SLCO1A2: variants seen among roughly 807,000 people sequenced by gnomAD.
The protein encoded by SLCO1A2 is solute carrier organic anion transporter family member 1A2.
Under a neutral mutation model 69.0 loss-of-function variants are expected in SLCO1A2, and 67 were observed. The ratio of observed to expected loss-of-function variants is 0.97; its 90% CI spans 0.80 to 1.19. The LOEUF (loss-of-function observed/expected upper bound fraction) is 1.19, where lower values mean the gene tolerates loss of function less well. Ranked by LOEUF, SLCO1A2 falls within the 50% of genes most tolerant of loss-of-function variation. The pLI, the probability that SLCO1A2 is intolerant of heterozygous loss-of-function variation, is 0.00. For missense variants in SLCO1A2, 787 were observed against 793.7 expected, an observed-to-expected ratio of 0.99 and a Z score of 0.10; for synonymous variants, 260 against 265.9, an observed-to-expected ratio of 0.98 and a Z score of 0.22.
At chr12:21,318,086 C>G (rs1951106859) in intron 3 of SLCO1A2, among the ~76,000 whole-genome samples, 1 of 151,914 alleles carries the variant, frequency 6.6e-6, no homozygotes, top group Non-Finnish European at 1.5e-5. Flanking sequence ...TTTCCTTGAT[C>G]TCCAACAATA....
intron 7 of SLCO1A2, 34 bp downstream of exon 7, chr12:21,301,137 C>A: frequency 1.4e-6 from 2 of 1,398,158 alleles, no homozygotes; most frequent in South Asian, 2.4e-5. Context: ...TTTGTATAGT[C>A]TAGACACTGT....
At chr12:21,326,483 G>C (rs1025486962) in intron 2 of SLCO1A2, among the ~76,000 whole-genome samples, 1 of 152,174 alleles carries the variant, frequency 6.6e-6, no homozygotes, top group African/African-American at 2.4e-5. Context: ...AAGACAGGAA[G>C]ATGTGGGAAA....
chr12:21,342,506 ATATAG>A (rs1407021300), intron 2 of SLCO1A2, among the ~76,000 whole-genome samples: 2 of 152,202 alleles, frequency 1.3e-5, no homozygotes, highest in African/African-American at 2.4e-5. Flanking sequence ...AAATTAAAAC[ATATAG>A]TAAACTCCAA....
At chr12:21,310,525 G>A (rs945724465) in intron 4 of SLCO1A2, among the ~76,000 whole-genome samples, 1 of 152,216 alleles carries the variant, frequency 6.6e-6, no homozygotes, top group Non-Finnish European at 1.5e-5. Context: ...CTTAAAATAA[G>A]ACAGTGATGA....
upstream of SLCO1A2, among the ~76,000 whole-genome samples, chr12:21,400,021 C>A (rs572066337): frequency 1.1e-4 from 17 of 151,726 alleles, no homozygotes; most frequent in East Asian, 3.1e-3. Context: ...ACAAAATTGA[C>A]AAATGGGATC....
Position 21,279,727 on chromosome 12 carries a change from T to G in SLCO1A2, c.1611-4303A>C, listed in dbSNP as rs1209180519. Among the ~76,000 whole-genome samples, 6 of 152,194 alleles carry G rather than the reference T, an allele frequency of 3.9e-5. No individual in the cohort carries two copies. The East Asian group carries it at 1.2e-3, about 29-fold the overall frequency. On this transcript the variant is annotated intron_variant, in intron 12 of 14. Transcript: ENST00000683939. The stretch of plus-strand genomic sequence containing the variant: ...AGTACTTCAATCAGAAAGGAAAGGA[T>G]GTTGATGAGCAATGAGAATTCATCT...
At chr12:21,269,906 C>T in intron 14 of SLCO1A2, 139 bp from the exon 15 acceptor site, 1 of 478,880 alleles carries the variant, frequency 2.1e-6, no homozygotes, top group Non-Finnish European at 3.4e-6. Flanking sequence ...AGCAACTTTG[C>T]TAAACTCTCT....
chr12:21,344,049 G>A lies in SLCO1A2; in HGVS notation c.-62-9340C>T, dbSNP rs117467257. 4.9e-3 allele frequency among the ~76,000 whole-genome samples: 746 copies of A among 151,952 alleles called. 4 individuals are homozygous for A. Among genetic ancestry groups the A allele is most frequent in the Non-Finnish European group, 6.9e-3 (472 of 67,936 alleles). Reference sequence around the variant, plus strand: ...AAATATGATAAAATTACTGATGAGCGGTAAAAACTTGAACTTTCATAAGTG... The same window carrying A: ...AAATATGATAAAATTACTGATGAGCAGTAAAAACTTGAACTTTCATAAGTG... On this transcript the variant is annotated intron_variant, in intron 2 of 15. Coordinates refer to the SLCO1A2 transcript ENST00000307378.
At chr12:21,396,224 T>TGCAGAAGCC (rs1367823787), upstream of SLCO1A2, among the ~76,000 whole-genome samples, 21 of 150,594 alleles carry the variant, frequency 1.4e-4, no homozygotes, top group Admixed American at 6.6e-4. Flanking sequence ...ACGTGAAGAA[T>TGCAGAAGCC]GCAGAAGCCT....
chr12:21,372,568 T>A (rs966494666), intron 2 of SLCO1A2, among the ~76,000 whole-genome samples: 6 of 152,344 alleles, frequency 3.9e-5, no homozygotes, highest in African/African-American at 1.4e-4. Context: ...TGTTTGCATA[T>A]ATGCACATTT....
intron 12 of SLCO1A2, among the ~76,000 whole-genome samples, chr12:21,289,188 G>GTGTA (rs1199090134): frequency 7.2e-6 from 1 of 139,338 alleles, no homozygotes; most frequent in Non-Finnish European, 1.5e-5. Flanking sequence ...ACCATTCTGT[G>GTGTA]TGTGTGTGTG....
intron 1 of SLCO1A2, chr12:21,378,724 T>C (rs1940389629): frequency 3.6e-6 from 1 of 279,238 alleles, no homozygotes; most frequent in Non-Finnish European, 6.8e-6. Context: ...GAGAAAAAGG[T>C]AGTTTGAACC....
chr12:21,317,092 T>C (rs1302860536), intron 3 of SLCO1A2, among the ~76,000 whole-genome samples: 1 of 152,222 alleles, frequency 6.6e-6, no homozygotes, highest in Non-Finnish European at 1.5e-5. Flanking sequence ...GTTTTTTTTA[T>C]GCAATTAAAA....
At chr12:21,316,789 C>T (rs2136725976) in intron 3 of SLCO1A2, among the ~76,000 whole-genome samples, 1 of 152,280 alleles carries the variant, frequency 6.6e-6, no homozygotes, top group East Asian at 1.9e-4. Flanking sequence ...CGCCTACTTA[C>T]TTGCTAATCA....
intron 14 of SLCO1A2, 143 bp from the exon 15 acceptor site, chr12:21,269,910 ACT>A (rs1437819439): frequency 1.1e-5 from 5 of 466,294 alleles, no homozygotes; most frequent in Admixed American, 4.1e-5. Flanking sequence ...ACTTTGCTAA[ACT>A]CTCTTATTAA....
At chr12:21,378,670 C>G (rs1940386231) in intron 1 of SLCO1A2, 4 of 428,494 alleles carry the variant, frequency 9.3e-6, no homozygotes, top group Middle Eastern at 1.3e-3. Context: ...ATAAGAACGT[C>G]ATTTTGGGAC....
chr12:21,400,059 C>T (rs376853335), upstream of SLCO1A2, among the ~76,000 whole-genome samples: 90 of 151,130 alleles, frequency 6.0e-4, no homozygotes, highest in African/African-American at 1.8e-3. Context: ...TTCTGCACAG[C>T]GAAAGAAACT....
chr12:21,387,943 G>A lies in SLCO1A2; in HGVS notation c.-190+6963C>T, dbSNP rs117936734. 7.7e-3 allele frequency among the ~76,000 whole-genome samples: 1,173 copies of A among 152,316 alleles called. 8 individuals carry two copies. Among genetic ancestry groups the A allele is most frequent in the Middle Eastern group, 0.02 (6 of 294 alleles). On this transcript the variant is annotated intron_variant, in intron 1 of 15. Transcript: ENST00000307378. ...GGAAGCCCACCTCTTGCATCAGCAC[G>A]ACCTGTATGTGAGACATGGAGTCAA...
In SLCO1A2 at chr12:21,320,948, G is replaced by A. The variant is rs548763631; in HGVS notation, c.61-2025C>T. On this transcript the variant is annotated intron_variant, in intron 2 of 14. Transcript: ENST00000683939. Reference sequence around the variant, plus strand: ...TCAGCCTTGATGGTTAGCTACTCTAGCTACCACAAAGCTGTTTAGAAGAAT... The same window carrying A: ...TCAGCCTTGATGGTTAGCTACTCTAACTACCACAAAGCTGTTTAGAAGAAT... Among the ~76,000 whole-genome samples the A allele has an allele frequency of 9.9e-5, 15 of 152,236 alleles. No homozygotes were observed. In the East Asian group the frequency reaches 2.3e-3, roughly 24 times the overall value.
Sources: gnomAD v4.1 joint callset for allele counts (sites outside exome capture counted in the v4.1 genomes callset) on GRCh38, gnomAD v4.1.1 for gene constraint, MANE v1.5 for transcripts, NCBI Gene and HGNC (gene_info 2026-07-23, HGNC 2026-07-21) for gene names.